NTN4: variants seen among roughly 807,000 people sequenced by gnomAD.
NTN4 encodes netrin 4.
Under a neutral mutation model 73.6 loss-of-function variants are expected in NTN4, and 32 were observed. That is an observed-to-expected ratio of 0.44 (90% CI 0.33 to 0.58). The LOEUF (loss-of-function observed/expected upper bound fraction) is 0.58, where lower values mean the gene tolerates loss of function less well. Ranked by LOEUF, NTN4 falls within the 20% of genes least tolerant of loss-of-function variation. The pLI is 0.04. For missense variants in NTN4, 654 were observed against 798.3 expected, an observed-to-expected ratio of 0.82 and a Z score of 2.18; for synonymous variants, 258 against 287.5, an observed-to-expected ratio of 0.90 and a Z score of 1.04.
chr12:95,670,270 C>T, intron 7 of NTN4, 124 bp from the exon 8 acceptor site: 1 of 462,030 alleles, frequency 2.2e-6, no homozygotes. Flanking sequence ...ACAGTGTAAT[C>T]TGTAAGTACC....
At chr12:95,741,353 AATTC>A (rs1406363521) in intron 2 of NTN4, among the ~76,000 whole-genome samples, 1 of 144,746 alleles carries the variant, frequency 6.9e-6, no homozygotes, top group Non-Finnish European at 1.5e-5. Context: ...AATTATATAT[AATTC>A]ATTTATAAAT....
At chr12:95,747,161 AAT>A (rs1268197636) in intron 2 of NTN4, among the ~76,000 whole-genome samples, 2 of 149,298 alleles carry the variant, frequency 1.3e-5, no homozygotes, top group Admixed American at 6.7e-5. Context: ...AAATCAATAA[AAT>A]ATGTTCCTGA....
At chr12:95,772,884 C>A (rs1366445306) in intron 2 of NTN4, among the ~76,000 whole-genome samples, 1 of 152,142 alleles carries the variant, frequency 6.6e-6, no homozygotes, top group East Asian at 1.9e-4. Flanking sequence ...CTTCCCTCAC[C>A]CTCCTTCCCT....
At chr12:95,785,755 G>T (rs1429637484) in intron 2 of NTN4, among the ~76,000 whole-genome samples, 1 of 152,130 alleles carries the variant, frequency 6.6e-6, no homozygotes, top group African/African-American at 2.4e-5. Flanking sequence ...ACAACTACCT[G>T]GGAAGTCTGA....
At chr12:95,696,266 A>G (rs942376776) in intron 5 of NTN4, among the ~76,000 whole-genome samples, 2 of 152,022 alleles carry the variant, frequency 1.3e-5, no homozygotes, top group African/African-American at 4.8e-5. Context: ...TACTTGGGTA[A>G]ATTTATTTAG....
rs1565922596 is a variant in NTN4, at chr12:95,790,521, C to T, written c.-212G>A. ...AGGTGGGGTGACCCTCGCGCACCGGCCTGGCGGGTCCCGGGCACCTGGGGG... is the reference window on the plus strand; with the variant it reads ...AGGTGGGGTGACCCTCGCGCACCGGTCTGGCGGGTCCCGGGCACCTGGGGG... On this transcript the variant is annotated 5_prime_UTR_variant, in exon 1 of 10. Coordinates refer to ENST00000343702, the MANE Select transcript of NTN4 (RefSeq NM_021229.4). The surrounding 1 kb of genome is among the most constrained non-coding windows in gnomAD (Gnocchi z 6.5). 1 of 383,546 alleles carries T rather than the reference C, an allele frequency of 2.6e-6. No homozygotes were observed. Among genetic ancestry groups the T allele is most frequent in the East Asian group, 4.0e-5 (1 of 25,130 alleles). 23.8% of individuals were successfully genotyped at this position (383,546 alleles called of 1,614,324 possible). A position where few individuals can be genotyped will look rare whatever the true frequency, so the allele number is the denominator to read the frequency against.
intron 2 of NTN4, among the ~76,000 whole-genome samples, chr12:95,760,928 C>T (rs2078982671): frequency 6.6e-6 from 1 of 152,046 alleles, no homozygotes; most frequent in Non-Finnish European, 1.5e-5. Flanking sequence ...TTTTTTACTC[C>T]ATCTCCCTTT....
chr12:95,736,120 G>GT (rs2078776122), intron 3 of NTN4, among the ~76,000 whole-genome samples: 1 of 151,908 alleles, frequency 6.6e-6, no homozygotes, highest in Non-Finnish European at 1.5e-5. Context: ...TGTATTTTTA[G>GT]TAGAGATGGG....
intron 3 of NTN4, among the ~76,000 whole-genome samples, chr12:95,722,214 A>G (rs1169273972): frequency 2.0e-5 from 3 of 152,156 alleles, no homozygotes; most frequent in African/African-American, 7.2e-5. Flanking sequence ...ACAAACCCCC[A>G]AACCCACCCA....
chr12:95,671,493 G>A (rs1283414334), intron 7 of NTN4, among the ~76,000 whole-genome samples: 1 of 152,008 alleles, frequency 6.6e-6, no homozygotes, highest in South Asian at 2.1e-4. Context: ...GATGAGCAGC[G>A]GCATTAGATG....
intron 7 of NTN4, among the ~76,000 whole-genome samples, chr12:95,675,696 AAAG>A (rs1319296351): frequency 3.3e-5 from 5 of 152,242 alleles, no homozygotes; most frequent in Admixed American, 6.5e-5. Context: ...TAAAGAAAGA[AAAG>A]AAATGAATGA....
At chr12:95,738,773 G>A (rs1033004749) in intron 2 of NTN4, among the ~76,000 whole-genome samples, 2 of 152,166 alleles carry the variant, frequency 1.3e-5, no homozygotes, top group Non-Finnish European at 2.9e-5. Context: ...TGTGTCACAT[G>A]TCCAAGGTCT....
intron 5 of NTN4, among the ~76,000 whole-genome samples, chr12:95,697,467 T>A (rs2078450994): frequency 6.6e-6 from 1 of 152,162 alleles, no homozygotes; most frequent in South Asian, 2.1e-4. Flanking sequence ...TTCATTAGTA[T>A]CTCTCTTTTC....
intron 3 of NTN4, among the ~76,000 whole-genome samples, chr12:95,735,682 C>A (rs1450266943): frequency 1.3e-5 from 2 of 151,934 alleles, no homozygotes; most frequent in East Asian, 1.9e-4. Context: ...TTCTTGCTGG[C>A]AGTATATTGT....
intron 8 of NTN4, among the ~76,000 whole-genome samples, chr12:95,667,021 T>C (rs2078185662): frequency 6.6e-6 from 1 of 152,188 alleles, no homozygotes. Context: ...TGGACACCCA[T>C]GCATGATGAT....
chr12:95,784,882 A>C (rs2079156713), intron 2 of NTN4, among the ~76,000 whole-genome samples: 1 of 152,216 alleles, frequency 6.6e-6, no homozygotes, highest in African/African-American at 2.4e-5. Context: ...ATCTGCTTGG[A>C]ATTTGATATA....
intron 2 of NTN4, among the ~76,000 whole-genome samples, chr12:95,758,014 A>G (rs1295788336): frequency 1.3e-5 from 2 of 152,230 alleles, no homozygotes; most frequent in African/African-American, 4.8e-5. Context: ...GGTTGTTTAC[A>G]GATTCTGGCT....
intron 3 of NTN4, among the ~76,000 whole-genome samples, chr12:95,727,460 G>A (rs1485499197): frequency 6.6e-6 from 1 of 151,786 alleles, no homozygotes; most frequent in Non-Finnish European, 1.5e-5. Context: ...TGTTTTATTT[G>A]TTGCTTGTGC....
intron 2 of NTN4, among the ~76,000 whole-genome samples, chr12:95,780,170 A>G (rs904591510): frequency 6.6e-6 from 1 of 152,226 alleles, no homozygotes; most frequent in East Asian, 1.9e-4. Context: ...TAAAGACTTA[A>G]ATGTTAGACC....
Sources: gnomAD v4.1 joint callset for allele counts (sites outside exome capture counted in the v4.1 genomes callset) on GRCh38, gnomAD v4.1.1 for gene constraint, Gnocchi (gnomAD v3.1) non-coding constraint, MANE v1.5 for transcripts, NCBI Gene and HGNC (gene_info 2026-07-23, HGNC 2026-07-21) for gene names.